Variants in ARMC9 observed in about 807,000 individuals in gnomAD.
The protein encoded by ARMC9 is lisH domain-containing protein ARMC9.
In ARMC9, 94 loss-of-function variants were observed where a neutral mutation model predicts 107.0. The observed-to-expected ratio is 0.88, with a 90% confidence interval of 0.74 to 1.04. The LOEUF (loss-of-function observed/expected upper bound fraction) is 1.04, where lower values mean the gene tolerates loss of function less well. Among genes scored for constraint, ARMC9 ranks in the 50% least tolerant of loss-of-function variants. The pLI is 0.00. For missense variants in ARMC9, 942 were observed against 1,030.1 expected (o/e 0.91, Z 1.17); for synonymous variants, 380 against 396.9 (o/e 0.96, Z 0.51).
chr2:231,264,992 G>A (rs1036425993), intron 12 of ARMC9, among the ~76,000 whole-genome samples: 1 of 152,142 alleles, frequency 6.6e-6, no homozygotes, highest in Non-Finnish European at 1.5e-5. Context: ...CAGCTACCCA[G>A]GAGGCTGAGG....
chr2:231,336,102 T>C (rs542071482), intron 20 of ARMC9, among the ~76,000 whole-genome samples: 3 of 151,620 alleles, frequency 2.0e-5, no homozygotes, highest in Admixed American at 2.0e-4. Context: ...AATAAATAAA[T>C]ACAAATACAA....
chr2:231,321,222 A>G (rs1001347673), intron 19 of ARMC9, among the ~76,000 whole-genome samples: 37 of 152,234 alleles, frequency 2.4e-4, no homozygotes, highest in African/African-American at 8.4e-4. Flanking sequence ...GACTGGCCTG[A>G]CTGGTCTAGA....
chr2:231,315,363 C>A (rs1425626805), intron 19 of ARMC9, among the ~76,000 whole-genome samples: 1 of 151,932 alleles, frequency 6.6e-6, no homozygotes, highest in East Asian at 1.9e-4. Flanking sequence ...ATGGTGAAAC[C>A]CCATCTCTAC....
intron 19 of ARMC9, among the ~76,000 whole-genome samples, chr2:231,323,856 A>G (rs1042807125): frequency 6.6e-6 from 1 of 152,272 alleles, no homozygotes; most frequent in South Asian, 2.1e-4. Context: ...TCTTACATCT[A>G]TGCATTTGAC....
intron 9 of ARMC9, among the ~76,000 whole-genome samples, chr2:231,244,292 A>G (rs968699084): frequency 6.6e-6 from 1 of 152,160 alleles, no homozygotes; most frequent in African/African-American, 2.4e-5. Context: ...AAATAGGACA[A>G]AAGAGTAAAG....
chr2:231,304,252 C>G (rs2041925185), intron 19 of ARMC9, among the ~76,000 whole-genome samples: 1 of 152,138 alleles, frequency 6.6e-6, no homozygotes, highest in Non-Finnish European at 1.5e-5. Context: ...TTATTATTAT[C>G]ATATTGCTTT....
chr2:231,207,696 G>A (rs1180441254), intron 2 of ARMC9, among the ~76,000 whole-genome samples: 3 of 152,028 alleles, frequency 2.0e-5, no homozygotes, highest in Non-Finnish European at 4.4e-5. Flanking sequence ...GGCTGGTCTC[G>A]AATTCCTGAC....
chr2:231,325,102 T>C (rs1320964959), intron 19 of ARMC9, among the ~76,000 whole-genome samples: 1 of 152,048 alleles, frequency 6.6e-6, no homozygotes, highest in Non-Finnish European at 1.5e-5. Context: ...TACATGCCTG[T>C]GGTCCCAGCT....
At chr2:231,277,256 C>G (rs1279668358) in intron 15 of ARMC9, among the ~76,000 whole-genome samples, 3 of 152,160 alleles carry the variant, frequency 2.0e-5, no homozygotes, top group African/African-American at 4.8e-5. Context: ...CATTTATATA[C>G]TTGATCGCTG....
chr2:231,246,025 C>A (rs1055605253), intron 9 of ARMC9, among the ~76,000 whole-genome samples: 2 of 152,124 alleles, frequency 1.3e-5, no homozygotes, highest in Non-Finnish European at 2.9e-5. Context: ...GAGCTCCTGC[C>A]CCCTGGATGA....
chr2:231,345,147 A>G (rs532272444), intron 21 of ARMC9, 57 bp downstream of exon 21: 2 of 1,593,508 alleles, frequency 1.3e-6, no homozygotes, highest in East Asian at 4.5e-5. Context: ...TTTTGATTAC[A>G]GTGTAAGATG....
At chr2:231,350,346 C>T (rs1478536646) in intron 21 of ARMC9, among the ~76,000 whole-genome samples, 9 of 149,988 alleles carry the variant, frequency 6.0e-5, no homozygotes, top group Admixed American at 1.3e-4. Context: ...AAAATTAAAA[C>T]AAAAATATTA....
chr2:231,345,137 T>G lies in ARMC9; in HGVS notation c.1994+47T>G, dbSNP rs755201844. 10 of 1,604,060 alleles carry G rather than the reference T, an allele frequency of 6.2e-6. No homozygotes were observed. The South Asian group carries it at 1.0e-4, about 16-fold the overall frequency. On this transcript the variant is annotated intron_variant, in intron 21 of 24. Coordinates refer to ENST00000611582, the MANE Select transcript of ARMC9 (RefSeq NM_001352754.2). ...CGGGAATTGACTTTCTTAAGCTTTG[T>G]TTTGATTACAGTGTAAGATGTATGT... is the stretch of plus-strand genomic sequence containing the variant.
In ARMC9 at chr2:231,331,343, T is replaced by C. The variant is rs12477749; in HGVS notation, c.1774-450T>C. ...GGTCTTCCCAGAAGCAGAACGGTGC[T>C]GCCCTTTTTGCTGAGTCTTGTTACT... is the stretch of plus-strand genomic sequence containing the variant. On this transcript the variant is annotated intron_variant, in intron 19 of 24. Coordinates refer to ENST00000611582, the MANE Select transcript of ARMC9 (RefSeq NM_001352754.2). Among the ~76,000 whole-genome samples the C allele has an allele frequency of 2.8e-3, 423 of 152,342 alleles. 5 individuals are homozygous for C. Among genetic ancestry groups the C allele is most frequent in the East Asian group, 0.023 (119 of 5,182 alleles).
At chr2:231,361,715 C>T (rs1210487900) in intron 23 of ARMC9, among the ~76,000 whole-genome samples, 1 of 152,114 alleles carries the variant, frequency 6.6e-6, no homozygotes, top group Non-Finnish European at 1.5e-5. Flanking sequence ...AGCTGCCCCT[C>T]ACCACTTCCT....
intron 20 of ARMC9, among the ~76,000 whole-genome samples, chr2:231,338,643 G>T (rs563356137): frequency 2.0e-5 from 3 of 146,504 alleles, no homozygotes; most frequent in African/African-American, 7.7e-5. Context: ...AGGCTTAAAC[G>T]ATCTTCCCAC....
intron 16 of ARMC9, 110 bp from the exon 17 acceptor site, chr2:231,281,949 G>A (rs893843767): frequency 7.8e-6 from 8 of 1,021,932 alleles, no homozygotes; most frequent in Non-Finnish European, 6.1e-6. Flanking sequence ...GCGAGGACGG[G>A]AACACCCACT....
chr2:231,337,284 ATATATATTTTTTTT>A (rs1413549158), intron 20 of ARMC9, among the ~76,000 whole-genome samples: 21 of 55,100 alleles, frequency 3.8e-4, no homozygotes, highest in African/African-American at 2.0e-3. Context: ...ATATATATAT[ATATATATTTTTTTT>A]TTTTTTTTTT....
At chr2:231,221,034 G>T (rs1002235651) in intron 5 of ARMC9, among the ~76,000 whole-genome samples, 1 of 152,236 alleles carries the variant, frequency 6.6e-6, no homozygotes, top group African/African-American at 2.4e-5. Context: ...CCCTAGGGCT[G>T]CCCTAGCAAA....
Sources: allele counts gnomAD v4.1 joint callset (sites outside exome capture counted in the v4.1 genomes callset), GRCh38; gene constraint gnomAD v4.1.1; transcripts MANE v1.5; gene names NCBI Gene and HGNC (gene_info 2026-07-23, HGNC 2026-07-21).